Variants in NCOA7 observed in about 807,000 individuals in gnomAD.
NCOA7 encodes 140 kDa estrogen receptor-associated protein.
In NCOA7, 45 loss-of-function variants were observed where a neutral mutation model predicts 104.3. The ratio of observed to expected loss-of-function variants is 0.43; its 90% CI spans 0.34 to 0.55. The LOEUF (loss-of-function observed/expected upper bound fraction) is 0.55, where lower values mean the gene tolerates loss of function less well. Among genes scored for constraint, NCOA7 ranks in the 20% least tolerant of loss-of-function variants. The probability of loss-of-function intolerance (pLI) is 0.02; values close to 1 mark genes in which losing one functional copy is unlikely to be tolerated. For missense variants in NCOA7, 1,041 were observed against 1,119.7 expected (o/e 0.93, Z 1.00); for synonymous variants, 398 against 402.3 (o/e 0.99, Z 0.13).
At chr6:125,926,699 G>A (rs1228551732) in intron 13 of NCOA7, among the ~76,000 whole-genome samples, 1 of 152,172 alleles carries the variant, frequency 6.6e-6, no homozygotes, top group Admixed American at 6.5e-5. Flanking sequence ...CAGGAACTGA[G>A]TGTAAGTGGT....
intron 1 of NCOA7, among the ~76,000 whole-genome samples, chr6:125,811,028 A>G (rs763929617): frequency 1.6e-4 from 24 of 152,178 alleles, no homozygotes; most frequent in Non-Finnish European, 3.2e-4. Context: ...TTCCAATTAG[A>G]TTGCTGTAAC....
At chr6:125,821,272 G>C (rs1381942547) in intron 2 of NCOA7, among the ~76,000 whole-genome samples, 1 of 152,172 alleles carries the variant, frequency 6.6e-6, no homozygotes, top group Non-Finnish European at 1.5e-5. Flanking sequence ...TTTAAAAAAA[G>C]TTCATCCCTA....
At chr6:125,826,677 A>G (rs1474980384) in intron 2 of NCOA7, among the ~76,000 whole-genome samples, 1 of 152,242 alleles carries the variant, frequency 6.6e-6, no homozygotes, top group Non-Finnish European at 1.5e-5. Context: ...ATTGGTAAAC[A>G]AAACAAATAT....
At chr6:125,849,936 G>A (rs768023775) in intron 2 of NCOA7, among the ~76,000 whole-genome samples, 3 of 152,050 alleles carry the variant, frequency 2.0e-5, no homozygotes, top group Non-Finnish European at 4.4e-5. Context: ...TATATTTGAG[G>A]TCATGAAAAA....
chr6:125,927,695 G>A lies in NCOA7; in HGVS notation c.2556G>A (p.Lys852=). The A allele has an allele frequency of 6.2e-7, 1 of 1,614,132 alleles. No individual in the cohort carries two copies. The highest frequency in any genetic ancestry group is 8.5e-7 in the Non-Finnish European group (1 of 1,180,014). The change falls in exon 14 of 16, where the codon AAG becomes AAA. Residue 852 remains lysine, a synonymous_variant. Transcript: ENST00000392477. ...IFGAYATHPF[K]FSDHYYGTGE... ...GAGCATATGCAACTCATCCTTTCAA[G>A]TTCAGTGACCACTATTATGGCACAG... is the stretch of plus-strand genomic sequence containing the variant.
chr6:125,911,281 G>A (rs1428050319), intron 10 of NCOA7, among the ~76,000 whole-genome samples: 1 of 152,246 alleles, frequency 6.6e-6, no homozygotes, highest in Non-Finnish European at 1.5e-5. Context: ...GAGCCAGCAA[G>A]TCTAGACACA....
chr6:125,830,893 T>C (rs1779134146), intron 2 of NCOA7, among the ~76,000 whole-genome samples: 1 of 152,022 alleles, frequency 6.6e-6, no homozygotes. Context: ...TCCATCTGAA[T>C]TGGAATTTTG....
intron 1 of NCOA7, among the ~76,000 whole-genome samples, chr6:125,801,310 C>T (rs1348944834): frequency 3.9e-5 from 6 of 152,114 alleles, no homozygotes; most frequent in East Asian, 3.9e-4. Flanking sequence ...GAAAGCTCAT[C>T]GAGTTAACAT....
chr6:125,827,686 G>A lies in NCOA7; in HGVS notation c.50+12282G>A, dbSNP rs571549417. Among the ~76,000 whole-genome samples, 39 of 152,266 alleles carry A rather than the reference G, an allele frequency of 2.6e-4. No homozygotes were observed. The East Asian group carries it at 7.2e-3, about 28-fold the overall frequency. On this transcript the variant is annotated intron_variant, in intron 2 of 15. Coordinates refer to ENST00000392477, the MANE Select transcript of NCOA7 (RefSeq NM_181782.5). ...GTTTAGGAGAAGGGCTAGGGAGAGA[G>A]GGAAGGACGGGAATATTCTAGGTAG...
At chr6:125,920,194 A>G (rs1562186367) in intron 11 of NCOA7, among the ~76,000 whole-genome samples, 1 of 152,358 alleles carries the variant, frequency 6.6e-6, no homozygotes, top group East Asian at 1.9e-4. Flanking sequence ...TCATCTCTGA[A>G]CAGTACATAA....
At chr6:125,821,729 C>T (rs1174384887) in intron 2 of NCOA7, among the ~76,000 whole-genome samples, 1 of 152,182 alleles carries the variant, frequency 6.6e-6, no homozygotes, top group Non-Finnish European at 1.5e-5. Flanking sequence ...GTCTGTAATA[C>T]TTCACCTGTG....
intron 2 of NCOA7, among the ~76,000 whole-genome samples, chr6:125,838,294 G>A (rs1279727523): frequency 1.3e-5 from 2 of 152,136 alleles, no homozygotes; most frequent in African/African-American, 2.4e-5. Context: ...AGATTATGGG[G>A]AAGGAAAGAA....
intron 1 of NCOA7, among the ~76,000 whole-genome samples, chr6:125,805,985 C>A (rs2128558556): frequency 6.6e-6 from 1 of 152,268 alleles, no homozygotes; most frequent in East Asian, 1.9e-4. Flanking sequence ...AGGTAACTTA[C>A]CCAAGGCTAC....
chr6:125,828,276 C>T lies in NCOA7; in HGVS notation c.50+12872C>T, dbSNP rs918201666. ...TGAGAGAAGAGAGAATTTCAAGGAG[C>T]GAATGATCAGCAGGTTTGCAAGTAG... is the stretch of plus-strand genomic sequence containing the variant. On this transcript the variant is annotated intron_variant, in intron 2 of 15. Coordinates refer to ENST00000392477, the MANE Select transcript of NCOA7 (RefSeq NM_181782.5). 2.0e-5 allele frequency among the ~76,000 whole-genome samples: 3 copies of T among 152,092 alleles called. No individual in the cohort carries two copies. The South Asian group carries it at 6.2e-4, about 32-fold the overall frequency.
At chr6:125,881,331 G>A in intron 6 of NCOA7, 128 bp downstream of exon 6, 1 of 732,510 alleles carries the variant, frequency 1.4e-6, no homozygotes, top group Non-Finnish European at 2.3e-6. Context: ...TAGGTAATTG[G>A]AGAATGCATC....
At chr6:125,898,557 T>G (rs1785236199) in intron 10 of NCOA7, among the ~76,000 whole-genome samples, 1 of 152,216 alleles carries the variant, frequency 6.6e-6, no homozygotes, top group South Asian at 2.1e-4. Flanking sequence ...AAATAACAAT[T>G]TCCTATTCTT....
intron 2 of NCOA7, among the ~76,000 whole-genome samples, chr6:125,824,651 A>G (rs1219936314): frequency 1.3e-5 from 2 of 152,178 alleles, no homozygotes; most frequent in African/African-American, 4.8e-5. Flanking sequence ...CTTGTCTGTA[A>G]ACCTGCTTTA....
At chr6:125,809,276 C>A (rs978877372) in intron 1 of NCOA7, among the ~76,000 whole-genome samples, 7 of 152,032 alleles carry the variant, frequency 4.6e-5, no homozygotes, top group African/African-American at 1.7e-4. Context: ...GCAACCTCCG[C>A]CTCTCAGGTT....
At chr6:125,901,030 A>G (rs968884170) in intron 10 of NCOA7, among the ~76,000 whole-genome samples, 1 of 152,212 alleles carries the variant, frequency 6.6e-6, no homozygotes, top group Non-Finnish European at 1.5e-5. Flanking sequence ...AGCTGTTTTC[A>G]GAATGGAACC....
Sources: allele counts gnomAD v4.1 joint callset (sites outside exome capture counted in the v4.1 genomes callset), GRCh38; gene constraint gnomAD v4.1.1; transcripts MANE v1.5; gene names NCBI Gene and HGNC (gene_info 2026-07-23, HGNC 2026-07-21).